The following FSD1 variants were observed in gnomAD, a reference collection of about 807,000 sequenced individuals.
FSD1 encodes fibronectin type III and SPRY domain-containing protein 1.
FSD1 carries 23 observed loss-of-function variants against 58.2 expected under a neutral mutation model. That is an observed-to-expected ratio of 0.40 (90% CI 0.28 to 0.56). FSD1 has a LOEUF of 0.56. FSD1 is among the 20% of genes least tolerant of loss of function. The probability of loss-of-function intolerance (pLI) is 0.54; values close to 1 mark genes in which losing one functional copy is unlikely to be tolerated. For missense variants in FSD1, 563 were observed against 670.8 expected, an observed-to-expected ratio of 0.84 and a Z score of 1.78; for synonymous variants, 265 against 263.4, an observed-to-expected ratio of 1.01 and a Z score of -0.06.
chr19:4,316,910 C>T (rs1006038974), intron 7 of FSD1, among the ~76,000 whole-genome samples: 2 of 152,042 alleles, frequency 1.3e-5, no homozygotes, highest in Admixed American at 6.6e-5. Flanking sequence ...ACCACCACGC[C>T]CGGCTAATTT....
Position 4,310,460 on chromosome 19 carries a change from A to G in FSD1, c.369-15A>G, listed in dbSNP as rs1219372142. The G allele has an allele frequency of 6.2e-7, 1 of 1,607,770 alleles. No individual in the cohort carries two copies. The highest frequency in any genetic ancestry group is 8.5e-7 in the Non-Finnish European group (1 of 1,175,258). On this transcript the variant is annotated splice_polypyrimidine_tract_variant and intron_variant, in intron 5 of 12. Coordinates refer to ENST00000221856, the MANE Select transcript of FSD1 (RefSeq NM_024333.3). The stretch of plus-strand genomic sequence containing the variant: ...CCTGGTCCCCCACGCAACGCCTGCC[A>G]CCTCCTTCCTGCAGAGTGACCATGG...
At chr19:4,321,831 G>A (rs1971822146) in intron 10 of FSD1, among the ~76,000 whole-genome samples, 1 of 151,844 alleles carries the variant, frequency 6.6e-6, no homozygotes, top group South Asian at 2.1e-4. Flanking sequence ...GAGTATCTGG[G>A]GGAAATAGCT....
Position 4,305,991 on chromosome 19 carries a change from G to A in FSD1, c.61G>A (p.Glu21Lys). ...CAAAACACTGGCTGTGAAGAATGAA[G>A]AAATTCAGAGCTTTATCTACTCCCT... ...IIKTLAVKNE[E>K]IQSFIYSLKQ... Residue 21 changes from glutamate (E) to lysine (K), a missense_variant, in exon 2 of 13, where the codon GAA becomes AAA. Physicochemically the swap from Glu to Lys is moderately conservative, Grantham distance 56. Coordinates refer to ENST00000221856, the MANE Select transcript of FSD1 (RefSeq NM_024333.3). The A allele has an allele frequency of 6.2e-7, 1 of 1,614,164 alleles. No individual in the cohort carries two copies. Among genetic ancestry groups the A allele is most frequent in the Non-Finnish European group, 8.5e-7 (1 of 1,180,018 alleles).
intron 7 of FSD1, among the ~76,000 whole-genome samples, chr19:4,313,982 C>A (rs886529212): frequency 1.3e-5 from 2 of 150,560 alleles, no homozygotes; most frequent in African/African-American, 4.9e-5. Flanking sequence ...GAGCAGAGAT[C>A]GCGCCACTGC....
chr19:4,312,190 C>A, intron 7 of FSD1, 139 bp downstream of exon 7: 1 of 727,288 alleles, frequency 1.4e-6, no homozygotes, highest in Non-Finnish European at 2.3e-6. Flanking sequence ...GGAGGTGGAT[C>A]AGAAATATGA....
rs1427175149 is a variant in FSD1, at chr19:4,318,520, C to T, written c.959+15C>T. 2 of 1,574,490 alleles carry T rather than the reference C, an allele frequency of 1.3e-6. No homozygotes were observed. Among genetic ancestry groups the T allele is most frequent in the South Asian group, 2.4e-5 (2 of 84,484 alleles). On this transcript the variant is annotated intron_variant, in intron 9 of 12. Transcript: ENST00000221856. ...TCCCCAGCCAGGTAGCCTGCCCCCT[C>T]CCCTCCCTAAGTCTCTGGTGGAGGA...
In FSD1 at chr19:4,307,779, G is replaced by T. The variant is rs116108654; in HGVS notation, c.244-103G>T. On this transcript the variant is annotated intron_variant, in intron 3 of 12. Coordinates refer to ENST00000221856, the MANE Select transcript of FSD1 (RefSeq NM_024333.3). ...AATCTCCATCTCTCACCTGGAGTTCGAGAAGGGCATGGTACCCTGGATTCT... is the reference window on the plus strand; with the variant it reads ...AATCTCCATCTCTCACCTGGAGTTCTAGAAGGGCATGGTACCCTGGATTCT... 8 of 787,982 alleles carry T rather than the reference G, an allele frequency of 1.0e-5. No homozygotes were observed. The African/African-American group carries it at 1.4e-4, about 14-fold the overall frequency. 48.8% of individuals were successfully genotyped at this position (787,982 alleles called of 1,614,324 possible). A position where few individuals can be genotyped will look rare whatever the true frequency, so the allele number is the denominator to read the frequency against.
Position 4,317,205 on chromosome 19 carries a change from A to T in FSD1, c.724A>T (p.Met242Leu). The change falls in exon 8 of 13, where the codon ATG (methionine) becomes TTG (leucine). Residue 242 changes from methionine (M) to leucine (L), a missense_variant. By Grantham distance (15) the Met-to-Leu change is conservative (BLOSUM62 2). Transcript: ENST00000221856. ...LTGLKFDMKY[M>L]NFRVKACNKA... ...AGGTCTCAAGTTTGACATGAAATAC[A>T]TGAACTTCCGTGTGAAGGCCTGTAA... 6.2e-7 allele frequency: 1 copy of T among 1,611,684 alleles called. No individual in the cohort carries two copies. The highest frequency in any genetic ancestry group is 1.1e-5 in the South Asian group (1 of 91,034).
Position 4,304,746 on chromosome 19 carries a change from C to A in FSD1, c.-1C>A. The A allele has an allele frequency of 1.1e-6, 1 of 936,698 alleles. No individual in the cohort carries two copies. The highest frequency in any genetic ancestry group is 1.3e-6 in the Non-Finnish European group (1 of 785,130). 58.0% of individuals were successfully genotyped at this position (936,698 alleles called of 1,614,324 possible). On this transcript the variant is annotated 5_prime_UTR_variant, in exon 1 of 13. Coordinates refer to ENST00000221856, the MANE Select transcript of FSD1 (RefSeq NM_024333.3). Reference sequence around the variant, plus strand: ...GGGCCGGGGTGACCTGGGCTGCAGCCATGGAAGAACAGAGGGTAGGACGGG... The same window carrying A: ...GGGCCGGGGTGACCTGGGCTGCAGCAATGGAAGAACAGAGGGTAGGACGGG...
Position 4,304,703 on chromosome 19 carries a change from G to A in FSD1, c.-44G>A. 1.6e-6 allele frequency: 2 copies of A among 1,216,596 alleles called. No individual in the cohort carries two copies. Among genetic ancestry groups the A allele is most frequent in the Middle Eastern group, 5.9e-4 (2 of 3,404 alleles). The allele number at this position is 1,216,596 out of a possible 1,614,324, so 75.4% of individuals were successfully genotyped here. A position where few individuals can be genotyped will look rare whatever the true frequency, so the allele number is the denominator to read the frequency against. ...CAAAGGCAGCTTGGGGACCCAGCGT[G>A]CGCGGGGCCCGCGGGCCGGGCCGGG... On this transcript the variant is annotated 5_prime_UTR_variant, in exon 1 of 13. Transcript: ENST00000221856.
intron 4 of FSD1, among the ~76,000 whole-genome samples, chr19:4,308,359 G>A (rs1247515379): frequency 6.6e-6 from 1 of 152,176 alleles, no homozygotes; most frequent in Admixed American, 6.5e-5. Flanking sequence ...CGTGAGCTGA[G>A]ATTGTGTCAC....
chr19:4,305,512 G>T (rs533247348), intron 1 of FSD1, among the ~76,000 whole-genome samples: 7 of 152,122 alleles, frequency 4.6e-5, no homozygotes, highest in East Asian at 1.9e-4. Context: ...TGTAGGTATC[G>T]GGTTGTAGCC....
At chr19:4,307,486 G>A (rs1971635172) in intron 3 of FSD1, among the ~76,000 whole-genome samples, 1 of 152,150 alleles carries the variant, frequency 6.6e-6, no homozygotes, top group Admixed American at 6.6e-5. Flanking sequence ...TCCTGCCTCA[G>A]CCTCCCGAGT....
Position 4,310,274 on chromosome 19 carries a change from C to T in FSD1, c.347C>T (p.Ala116Val), listed in dbSNP as rs957032809. Residue 116 changes from alanine to valine, a missense_variant and splice_region_variant, in exon 5 of 13, where the codon GCT (alanine) becomes GTT (valine). Ala to Val is a moderately conservative substitution (Grantham distance 64, BLOSUM62 0). Coordinates refer to ENST00000221856, the MANE Select transcript of FSD1 (RefSeq NM_024333.3). ...QAMDSEDFPQ[A>V]AKQIKDGVTM... ...ATGTTGTTCTGTTCCTCTCTCTAGG[C>T]TGCCAAGCAAATCAAAGATGGGTAA... 6.2e-7 allele frequency: 1 copy of T among 1,614,040 alleles called. No individual in the cohort carries two copies. The highest frequency in any genetic ancestry group is 8.5e-7 in the Non-Finnish European group (1 of 1,179,992).
chr19:4,311,204 T>G (rs1211204076), intron 6 of FSD1: 1 of 151,338 alleles, frequency 6.6e-6, no homozygotes, highest in African/African-American at 2.5e-5. Context: ...AAACCCTGTT[T>G]CCAGGGGTGG....
At position 4,322,975 on chromosome 19, in the gene FSD1, C is replaced by T. The variant is rs536864651; in HGVS notation, c.1040-11C>T. 8.7e-6 allele frequency: 14 copies of T among 1,605,636 alleles called. No homozygotes were observed. The highest frequency in any genetic ancestry group is 1.2e-5 in the Non-Finnish European group (14 of 1,176,200). On this transcript the variant is annotated splice_polypyrimidine_tract_variant and intron_variant, in intron 10 of 12. Coordinates refer to ENST00000221856, the MANE Select transcript of FSD1 (RefSeq NM_024333.3). ...AGTTCCCCTGCCCACCCCTCCTGCC[C>T]TGCGCCACAGGGGACACGCTGATCG... is the stretch of plus-strand genomic sequence containing the variant.
chr19:4,315,996 C>T (rs1759420328), intron 7 of FSD1, among the ~76,000 whole-genome samples: 1 of 151,562 alleles, frequency 6.6e-6, no homozygotes, highest in Non-Finnish European at 1.5e-5. Context: ...AAACTCCTGA[C>T]CTTATGGGTT....
rs1244063693 is a variant in FSD1 at position 4,316,758 on chromosome 19, T to TATTTTTC, written c.701-418_701-417insCATTTTT. 3.3e-5 allele frequency among the ~76,000 whole-genome samples: 5 copies of TATTTTTC among 152,136 alleles called. No homozygotes were observed. The East Asian group carries it at 7.7e-4, about 24-fold the overall frequency. On this transcript the variant is annotated intron_variant, in intron 7 of 12. Coordinates refer to ENST00000221856, the MANE Select transcript of FSD1 (RefSeq NM_024333.3). ...AGATGTTTGTTTATTTTTTATTTTT[T>TATTTTTC]ATTTTTTTTGAGATGGAGTTTCGTT...
chr19:4,304,744 G>T lies in FSD1; in HGVS notation c.-3G>T. ...CCGGGCCGGGGTGACCTGGGCTGCA[G>T]CCATGGAAGAACAGAGGGTAGGACG... On this transcript the variant is annotated 5_prime_UTR_variant, in exon 1 of 13. Coordinates refer to ENST00000221856, the MANE Select transcript of FSD1 (RefSeq NM_024333.3). 1 of 901,828 alleles carries T rather than the reference G, an allele frequency of 1.1e-6. No individual in the cohort carries two copies. Among genetic ancestry groups the T allele is most frequent in the Non-Finnish European group, 1.3e-6 (1 of 751,092 alleles). The allele number at this position is 901,828 out of a possible 1,614,324, so 55.9% of individuals were successfully genotyped here. A position where few individuals can be genotyped will look rare whatever the true frequency, so the allele number is the denominator to read the frequency against.
Sources: allele counts gnomAD v4.1 joint callset (sites outside exome capture counted in the v4.1 genomes callset), GRCh38; gene constraint gnomAD v4.1.1; transcripts MANE v1.5; gene names NCBI Gene and HGNC (gene_info 2026-07-23, HGNC 2026-07-21).